The following ZNF566 variants were observed in gnomAD, a reference collection of about 807,000 sequenced individuals.
The protein encoded by ZNF566 is zinc finger protein 566.
A neutral mutation model predicts 32.8 loss-of-function variants in ZNF566; 27 were observed. That is an observed-to-expected ratio of 0.82 (90% CI 0.61 to 1.14). The LOEUF (loss-of-function observed/expected upper bound fraction) is 1.14. Among genes scored for constraint, ZNF566 ranks in the 50% most tolerant of loss-of-function variants. ZNF566 has a pLI of 0.00. For synonymous variants in ZNF566, 154 were observed against 159.5 expected (o/e 0.97, Z 0.26); for missense variants, 402 against 490.4 (o/e 0.82, Z 1.70).
At position 36,455,133 on chromosome 19, in the gene ZNF566, T is replaced by C. The variant is rs532482513; in HGVS notation, c.233-5132A>G. On this transcript the variant is annotated intron_variant, in intron 4 of 4. Transcript: ENST00000452939. ...AACCATATGATCATTTCAGTAGATA[T>C]AGGAAAGTCATCTTACAAAATTCAA... Among the ~76,000 whole-genome samples the C allele has an allele frequency of 4.6e-5, 7 of 152,296 alleles. No individual in the cohort carries two copies. The East Asian group carries it at 1.4e-3, about 29-fold the overall frequency.
At chr19:36,466,904 T>C (rs1242683391) in intron 4 of ZNF566, among the ~76,000 whole-genome samples, 1 of 150,708 alleles carries the variant, frequency 6.6e-6, no homozygotes, top group Non-Finnish European at 1.5e-5. Context: ...CCATCTCTAC[T>C]AAAAATACAA....
chr19:36,449,957 C>A lies in ZNF566; in HGVS notation c.277G>T (p.Glu93Ter). The change falls in exon 5 of 5, where the codon GAA (glutamate) becomes TAA (stop). Residue 93 changes from glutamate to a stop codon, truncating the protein, a stop_gained. Transcript: ENST00000452939. LOFTEE classifies it high-confidence loss of function. ...TGGGTTGATTCTATTTCATAAATTT[C>A]TTTCTTCAGAAATAATTTCTTGGTC... The part of the protein sequence containing the change: ...CETKKLFLKK[E>*]IYEIESTQWE... The A allele has an allele frequency of 6.2e-7, 1 of 1,611,084 alleles. No homozygotes were observed. The highest frequency in any genetic ancestry group is 8.5e-7 in the Non-Finnish European group (1 of 1,179,266).
chr19:36,471,200 C>A (rs559467905), intron 4 of ZNF566, among the ~76,000 whole-genome samples: 2 of 137,362 alleles, frequency 1.5e-5, no homozygotes, highest in African/African-American at 5.5e-5. Flanking sequence ...GGCGACAGAG[C>A]GAGACTCTGT....
rs2033005978 is a variant in ZNF566 at position 36,446,805 on chromosome 19, A to G, written c.*2172T>C. 6.6e-6 allele frequency: 1 copy of G among 151,926 alleles called. No individual in the cohort carries two copies. Among genetic ancestry groups the G allele is most frequent in the Admixed American group, 6.5e-5 (1 of 15,276 alleles). 9.4% of individuals were successfully genotyped at this position (151,926 alleles called of 1,614,324 possible). A position where few individuals can be genotyped will look rare whatever the true frequency, so the allele number is the denominator to read the frequency against. On this transcript the variant is annotated 3_prime_UTR_variant, in exon 5 of 5. Transcript: ENST00000452939. ...AAATATTTTACTTCCTTATGCCAGT[A>G]AAGTAAAGTAACACAATGTTCAGAG...
Position 36,470,768 on chromosome 19 carries a change from G to T in ZNF566, c.232+2143C>A, listed in dbSNP as rs183088425. Among the ~76,000 whole-genome samples the T allele has an allele frequency of 6.6e-5, 10 of 152,090 alleles. No individual in the cohort carries two copies. In the East Asian group the frequency reaches 1.9e-3, roughly 29 times the overall value. ...TCTACTAAAATACAAAAATTAGCTG[G>T]GCATGGTGGCGGGTGCCTGTAATCC... is the stretch of plus-strand genomic sequence containing the variant. On this transcript the variant is annotated intron_variant, in intron 4 of 4. Coordinates refer to ENST00000452939, the MANE Select transcript of ZNF566 (RefSeq NM_001145344.1).
intron 1 of ZNF566, among the ~76,000 whole-genome samples, chr19:36,481,470 C>T (rs1235197708): frequency 2.7e-5 from 2 of 74,240 alleles, no homozygotes; most frequent in African/African-American, 6.2e-5. Context: ...GACACTGTCT[C>T]GGGAAAAAAA....
intron 2 of ZNF566, 24 bp downstream of exon 2, chr19:36,476,525 G>C: frequency 6.2e-7 from 1 of 1,606,106 alleles, no homozygotes; most frequent in Non-Finnish European, 8.5e-7. Context: ...CACTCTATCT[G>C]AGCAAAAGGA....
intron 1 of ZNF566, among the ~76,000 whole-genome samples, chr19:36,484,907 A>G (rs1479811329): frequency 6.6e-6 from 1 of 152,056 alleles, no homozygotes; most frequent in Non-Finnish European, 1.5e-5. Flanking sequence ...ATAGTTTCAA[A>G]TTATTTCCCC....
chr19:36,479,952 C>T (rs1203089941), intron 1 of ZNF566, among the ~76,000 whole-genome samples: 2 of 152,170 alleles, frequency 1.3e-5, no homozygotes, highest in Non-Finnish European at 2.9e-5. Context: ...CAGCCTTGGA[C>T]TCCCAAAGTG....
At chr19:36,458,492 G>T (rs544508747) in intron 4 of ZNF566, among the ~76,000 whole-genome samples, 6 of 152,276 alleles carry the variant, frequency 3.9e-5, no homozygotes, top group Admixed American at 2.0e-4. Flanking sequence ...GTCACCAGGG[G>T]TTGGGGGACG....
At chr19:36,453,492 TAAA>T (rs1568510856) in intron 4 of ZNF566, among the ~76,000 whole-genome samples, 103 of 116,632 alleles carry the variant, frequency 8.8e-4, no homozygotes, top group East Asian at 8.0e-3. Context: ...AATAAATAAA[TAAA>T]TAAATAAATA....
intron 1 of ZNF566, among the ~76,000 whole-genome samples, chr19:36,481,830 C>T (rs1004125774): frequency 2.6e-5 from 4 of 152,166 alleles, no homozygotes; most frequent in East Asian, 1.9e-4. Context: ...CGTAGGAAAG[C>T]GGTTCAATAA....
chr19:36,478,900 G>A (rs1038535386), intron 1 of ZNF566, among the ~76,000 whole-genome samples: 1 of 152,198 alleles, frequency 6.6e-6, no homozygotes, highest in Admixed American at 6.5e-5. Context: ...GTTCCTCAGT[G>A]GCTATGCCCA....
intron 1 of ZNF566, among the ~76,000 whole-genome samples, chr19:36,481,204 C>A (rs1293172444): frequency 6.6e-6 from 1 of 152,050 alleles, no homozygotes; most frequent in Non-Finnish European, 1.5e-5. Flanking sequence ...GGCACAGGGG[C>A]TCATACCTGT....
chr19:36,478,362 T>C (rs1393763303), intron 1 of ZNF566, among the ~76,000 whole-genome samples: 2 of 150,668 alleles, frequency 1.3e-5, no homozygotes, highest in African/African-American at 4.9e-5. Context: ...GGAAACAGAG[T>C]TCCTTCTTCT....
In ZNF566 at chr19:36,449,262, TGA is replaced by T; in HGVS notation, c.970_971del (p.Ser324ThrfsTer4). ...GGATTCTTTGATGTTTAATAAGTTG[TGA>T]GCTCTGACTAAAGGCATTGCCACAT... ...KECGNAFSQSSQLIKHQRIHT... is the reference protein window; with the variant it reads ...KECGNAFSQSXQLIKHQRIHT... On this transcript the variant is annotated frameshift_variant, in exon 5 of 5. Transcript: ENST00000452939. LOFTEE classifies it high-confidence loss of function. 2 of 1,614,180 alleles carry T rather than the reference TGA, an allele frequency of 1.2e-6. No individual in the cohort carries two copies. The highest frequency in any genetic ancestry group is 1.7e-6 in the Non-Finnish European group (2 of 1,180,026).
At position 36,472,983 on chromosome 19, in the gene ZNF566, C is replaced by T; in HGVS notation, c.160G>A (p.Val54Met). Residue 54 changes from valine to methionine, a missense_variant, in exon 4 of 5, where the codon GTG (valine) becomes ATG (methionine). Coordinates refer to ENST00000452939, the MANE Select transcript of ZNF566 (RefSeq NM_001145344.1). ...TTCCCTTGCTCCAAGTAGGAGATCA[C>T]ATTTGGTTTAGAAATAGAATGCCCT... ...SMGHSISKPN[V>M]ISYLEQGKEP... 6.2e-7 allele frequency: 1 copy of T among 1,613,758 alleles called. No homozygotes were observed. The highest frequency in any genetic ancestry group is 8.5e-7 in the Non-Finnish European group (1 of 1,179,878).
chr19:36,483,235 T>G (rs2034078485), intron 1 of ZNF566, among the ~76,000 whole-genome samples: 1 of 152,108 alleles, frequency 6.6e-6, no homozygotes, highest in Non-Finnish European at 1.5e-5. Context: ...AACATATGAG[T>G]GTAAACTGGT....
At chr19:36,483,984 T>G (rs1000873400) in intron 1 of ZNF566, among the ~76,000 whole-genome samples, 1 of 152,138 alleles carries the variant, frequency 6.6e-6, no homozygotes, top group African/African-American at 2.4e-5. Context: ...GCAATTCTCC[T>G]GTGTCAGCCT....
Sources: gnomAD v4.1 joint callset for allele counts (sites outside exome capture counted in the v4.1 genomes callset) on GRCh38, gnomAD v4.1.1 for gene constraint, MANE v1.5 for transcripts, NCBI Gene and HGNC (gene_info 2026-07-23, HGNC 2026-07-21) for gene names.